The following GMDS variants were observed in gnomAD, a reference collection of about 807,000 sequenced individuals.
GMDS encodes GDP-mannose 4,6 dehydratase.
In GMDS, 20 loss-of-function variants were observed where a neutral mutation model predicts 49.9. The ratio of observed to expected loss-of-function variants is 0.40; its 90% CI spans 0.28 to 0.58. The LOEUF is 0.58. Ranked by LOEUF, GMDS falls within the 20% of genes least tolerant of loss-of-function variation. GMDS has a pLI of 0.42. For missense variants in GMDS, 362 were observed against 481.4 expected (o/e 0.75, Z 2.32); for synonymous variants, 177 against 178.6 (o/e 0.99, Z 0.07).
chr6:1,694,638 C>T (rs1765277018), intron 9 of GMDS, among the ~76,000 whole-genome samples: 1 of 152,138 alleles, frequency 6.6e-6, no homozygotes, highest in Non-Finnish European at 1.5e-5. Context: ...TAGGTGCTCC[C>T]TAGGAGTTAT....
chr6:1,793,265 T>C (rs1769610829), intron 7 of GMDS, among the ~76,000 whole-genome samples: 1 of 152,224 alleles, frequency 6.6e-6, no homozygotes, highest in Admixed American at 6.5e-5. Context: ...ATTTGTGAGG[T>C]ACTTCTCTAC....
chr6:1,851,866 C>T (rs934637200), intron 7 of GMDS, among the ~76,000 whole-genome samples: 1 of 152,192 alleles, frequency 6.6e-6, no homozygotes, highest in South Asian at 2.1e-4. Context: ...TTCCAAACGA[C>T]AGGCTCCACC....
chr6:2,088,318 A>C (rs1202623259), intron 4 of GMDS, among the ~76,000 whole-genome samples: 1 of 152,206 alleles, frequency 6.6e-6, no homozygotes, highest in East Asian at 1.9e-4. Context: ...TGCAAAAAGA[A>C]AGGCTAGCTA....
chr6:1,914,213 T>C (rs1478611193), intron 7 of GMDS, among the ~76,000 whole-genome samples: 1 of 149,252 alleles, frequency 6.7e-6, no homozygotes. Flanking sequence ...TCCCAGCACT[T>C]TGGGAGGCTG....
At chr6:2,190,946 C>T (rs1252958751) in intron 1 of GMDS, among the ~76,000 whole-genome samples, 1 of 152,082 alleles carries the variant, frequency 6.6e-6, no homozygotes, top group Non-Finnish European at 1.5e-5. Context: ...CCTGGAACAT[C>T]AGTGGCTCCG....
chr6:1,642,038 G>A (rs1355966187), intron 9 of GMDS, among the ~76,000 whole-genome samples: 2 of 151,892 alleles, frequency 1.3e-5, no homozygotes, highest in African/African-American at 4.8e-5. Context: ...CAGAAAGATC[G>A]CCCTGCGTAG....
intron 9 of GMDS, among the ~76,000 whole-genome samples, chr6:1,716,145 T>G (rs142413706): frequency 6.6e-6 from 1 of 152,230 alleles, no homozygotes; most frequent in African/African-American, 2.4e-5. Flanking sequence ...TCGAAGAATA[T>G]GTAAAAAAAG....
chr6:1,701,893 A>T (rs962325254), intron 9 of GMDS, among the ~76,000 whole-genome samples: 1 of 152,260 alleles, frequency 6.6e-6, no homozygotes, highest in Admixed American at 6.5e-5. Context: ...TCTGATTCAA[A>T]GAGAAGTAGT....
At chr6:1,723,912 C>T (rs1766483256) in intron 9 of GMDS, among the ~76,000 whole-genome samples, 1 of 152,192 alleles carries the variant, frequency 6.6e-6, no homozygotes, top group Non-Finnish European at 1.5e-5. Flanking sequence ...TGGGACCTCA[C>T]ACCTAACTAA....
chr6:2,097,079 A>G (rs1773647522), intron 4 of GMDS, among the ~76,000 whole-genome samples: 1 of 152,120 alleles, frequency 6.6e-6, no homozygotes, highest in Non-Finnish European at 1.5e-5. Context: ...CAAAAATATA[A>G]AGAAAATATA....
intron 4 of GMDS, among the ~76,000 whole-genome samples, chr6:2,064,976 A>C (rs1213247276): frequency 6.6e-6 from 1 of 152,186 alleles, no homozygotes; most frequent in Non-Finnish European, 1.5e-5. Context: ...GTGGCACAGA[A>C]AGGGCTCAAA....
intron 9 of GMDS, among the ~76,000 whole-genome samples, chr6:1,668,601 T>G (rs1478844387): frequency 6.6e-6 from 1 of 152,092 alleles, no homozygotes; most frequent in Non-Finnish European, 1.5e-5. Context: ...TCCCAGCTAC[T>G]TGGGAGGCTG....
chr6:2,179,615 G>A (rs1410136849), intron 1 of GMDS, among the ~76,000 whole-genome samples: 1 of 152,100 alleles, frequency 6.6e-6, no homozygotes, highest in Non-Finnish European at 1.5e-5. Context: ...ATCCTGTAGT[G>A]CCTTGATCAG....
chr6:2,094,394 T>C (rs1012704518), intron 4 of GMDS, among the ~76,000 whole-genome samples: 2 of 152,210 alleles, frequency 1.3e-5, no homozygotes, highest in African/African-American at 2.4e-5. Flanking sequence ...CAAGGAAATA[T>C]AGCTAAGAGA....
chr6:1,845,764 A>T (rs1051293582), intron 7 of GMDS, among the ~76,000 whole-genome samples: 3 of 152,250 alleles, frequency 2.0e-5, no homozygotes, highest in African/African-American at 7.2e-5. Context: ...AGTACACAAT[A>T]GAGGCTGTGC....
At chr6:1,737,770 C>T (rs1233655458) in intron 8 of GMDS, among the ~76,000 whole-genome samples, 3 of 139,170 alleles carry the variant, frequency 2.2e-5, no homozygotes, top group African/African-American at 7.8e-5. Flanking sequence ...ACACCACACA[C>T]ACAGATACAC....
intron 7 of GMDS, among the ~76,000 whole-genome samples, chr6:1,784,525 G>A (rs1400852314): frequency 6.6e-6 from 1 of 152,012 alleles, no homozygotes; most frequent in South Asian, 2.1e-4. Flanking sequence ...CCAGAGGGGA[G>A]AGAGGAGACA....
At chr6:2,104,984 C>T (rs939960017) in intron 4 of GMDS, among the ~76,000 whole-genome samples, 1 of 151,936 alleles carries the variant, frequency 6.6e-6, no homozygotes, top group African/African-American at 2.4e-5. Flanking sequence ...AGATCGAGAC[C>T]ATCCTGGCTA....
At chr6:1,914,916 G>A (rs1159809007) in intron 7 of GMDS, among the ~76,000 whole-genome samples, 1 of 152,202 alleles carries the variant, frequency 6.6e-6, no homozygotes, top group Non-Finnish European at 1.5e-5. Flanking sequence ...CTTAGGCCTG[G>A]GCAGAAGTGT....
Sources: gnomAD v4.1 joint callset for allele counts (sites outside exome capture counted in the v4.1 genomes callset) on GRCh38, gnomAD v4.1.1 for gene constraint, MANE v1.5 for transcripts, NCBI Gene and HGNC (gene_info 2026-07-23, HGNC 2026-07-21) for gene names.